The following PRDM5 variants were observed in gnomAD, a reference collection of about 807,000 sequenced individuals.
PRDM5 encodes the protein PR domain zinc finger protein 5.
PRDM5 carries 56 observed loss-of-function variants against 81.2 expected under a neutral mutation model. That is an observed-to-expected ratio of 0.69 (90% CI 0.56 to 0.86). PRDM5 has a LOEUF of 0.86. Among genes scored for constraint, PRDM5 ranks in the 40% least tolerant of loss-of-function variants. PRDM5 has a pLI of 0.00. For synonymous variants in PRDM5, 267 were observed against 256.4 expected (o/e 1.04, Z -0.39); for missense variants, 697 against 770.1 (o/e 0.91, Z 1.12).
chr4:120,920,878 A>G (rs1724825932), intron 1 of PRDM5, among the ~76,000 whole-genome samples: 1 of 152,234 alleles, frequency 6.6e-6, no homozygotes, highest in Admixed American at 6.5e-5. Flanking sequence ...ATATATGATG[A>G]TTTTGGAAGC....
chr4:120,922,314 G>T (rs3761726), intron 1 of PRDM5, among the ~76,000 whole-genome samples: 37 of 151,986 alleles, frequency 2.4e-4, no homozygotes, highest in Admixed American at 2.4e-3. Flanking sequence ...ACGTGGCGCT[G>T]CCTGCTCGGG....
At chr4:120,889,942 C>T (rs548398265) in intron 2 of PRDM5, among the ~76,000 whole-genome samples, 40 of 152,226 alleles carry the variant, frequency 2.6e-4, no homozygotes, top group African/African-American at 9.4e-4. Context: ...ATCTAGTCTA[C>T]CATTGATGGG....
intron 1 of PRDM5, among the ~76,000 whole-genome samples, chr4:120,910,269 C>T (rs1187163878): frequency 1.3e-5 from 2 of 152,150 alleles, no homozygotes; most frequent in South Asian, 4.1e-4. Context: ...ATTTTCATGG[C>T]TGCAAGATTA....
rs555172385 is a variant in PRDM5, at chr4:120,808,957, C to T, written c.945+2413G>A. On this transcript the variant is annotated intron_variant, in intron 8 of 15. Transcript: ENST00000264808. ...CCCGCCTGGCCCTCTCCCTCCACAC[C>T]TCCTGGCAAGCTGAGGGAGCCGGCT... Among the ~76,000 whole-genome samples the T allele has an allele frequency of 3.2e-4, 48 of 152,354 alleles. No individual in the cohort carries two copies. The East Asian group carries it at 8.5e-3, about 27-fold the overall frequency.
chr4:120,845,036 T>A (rs2149401190), intron 3 of PRDM5, among the ~76,000 whole-genome samples: 1 of 152,312 alleles, frequency 6.6e-6, no homozygotes, highest in South Asian at 2.1e-4. Context: ...TTCTATTCAA[T>A]TCTGTGAAGG....
chr4:120,809,616 T>C lies in PRDM5; in HGVS notation c.945+1754A>G, dbSNP rs1023393352. 6.6e-5 allele frequency among the ~76,000 whole-genome samples: 10 copies of C among 152,326 alleles called. No homozygotes were observed. In the East Asian group the frequency reaches 1.7e-3, roughly 26 times the overall value. On this transcript the variant is annotated intron_variant, in intron 8 of 15. Transcript: ENST00000264808. Reference sequence around the variant, plus strand: ...AGAATCATAATATACCTTATCATTATAGGAGATAATAAATAGTAATTTAAG... The same window carrying C: ...AGAATCATAATATACCTTATCATTACAGGAGATAATAAATAGTAATTTAAG...
Position 120,781,187 on chromosome 4 carries a change from T to C in PRDM5, c.1399A>G (p.Asn467Asp), listed in dbSNP as rs1748984056. The change falls in exon 12 of 16, where the codon AAT becomes GAT. Residue 467 changes from asparagine to aspartate, a missense_variant. Asn to Asp is a conservative substitution (Grantham distance 23, BLOSUM62 1). Coordinates refer to ENST00000264808, the MANE Select transcript of PRDM5 (RefSeq NM_018699.4). ...RHKKYRCELC[N>D]KAFVTPSVLR... The stretch of plus-strand genomic sequence containing the variant: ...ACTGAAGGTGTAACAAAGGCCTTAT[T>C]ACATAGCTCACACCTATACTTCTTG... The C allele has an allele frequency of 6.2e-7, 1 of 1,613,544 alleles. No individual in the cohort carries two copies. The highest frequency in any genetic ancestry group is 1.1e-5 in the South Asian group (1 of 91,078).
chr4:120,858,052 TAC>T (rs1387026957), intron 2 of PRDM5, among the ~76,000 whole-genome samples: 1 of 152,140 alleles, frequency 6.6e-6, no homozygotes, highest in Non-Finnish European at 1.5e-5. Flanking sequence ...TGGCAGCAAA[TAC>T]AGTCAGTTCC....
Position 120,827,682 on chromosome 4 carries a change from G to A in PRDM5, c.301-6337C>T, listed in dbSNP as rs559598090. Among the ~76,000 whole-genome samples the A allele has an allele frequency of 4.6e-5, 7 of 152,098 alleles. No individual in the cohort carries two copies. The South Asian group carries it at 1.2e-3, about 27-fold the overall frequency. On this transcript the variant is annotated intron_variant, in intron 3 of 15. Coordinates refer to ENST00000264808, the MANE Select transcript of PRDM5 (RefSeq NM_018699.4). ...ATTCCCAAGGTATCTCAGCACACTG[G>A]GTGGGAAGTTCCATCACAGAAAATC...
intron 1 of PRDM5, among the ~76,000 whole-genome samples, chr4:120,909,561 T>C (rs1419033212): frequency 6.6e-6 from 1 of 152,114 alleles, no homozygotes; most frequent in East Asian, 1.9e-4. Flanking sequence ...AAGTACACAC[T>C]TTCCAAAGTA....
At chr4:120,754,736 A>AT (rs1358998211) in intron 13 of PRDM5, 98 bp from the exon 14 acceptor site, 5 of 839,858 alleles carry the variant, frequency 6.0e-6, no homozygotes, top group Non-Finnish European at 1.0e-5. Context: ...GCCACCGCAT[A>AT]TGCCCTGTGC....
chr4:120,739,398 A>G (rs1741575204), intron 14 of PRDM5, among the ~76,000 whole-genome samples: 1 of 152,202 alleles, frequency 6.6e-6, no homozygotes, highest in African/African-American at 2.4e-5. Context: ...AATGCACATT[A>G]TGTTCTAGAT....
At chr4:120,739,103 A>C (rs1032230950) in intron 14 of PRDM5, among the ~76,000 whole-genome samples, 1 of 152,220 alleles carries the variant, frequency 6.6e-6, no homozygotes, top group African/African-American at 2.4e-5. Flanking sequence ...ATTATGTGGC[A>C]TGCCTATCTG....
chr4:120,908,927 A>G (rs923350869), intron 1 of PRDM5, among the ~76,000 whole-genome samples: 2 of 152,226 alleles, frequency 1.3e-5, no homozygotes, highest in African/African-American at 4.8e-5. Flanking sequence ...AACAGCCCCA[A>G]AGAGGCTTTC....
intron 15 of PRDM5, among the ~76,000 whole-genome samples, chr4:120,699,406 T>G (rs1391366477): frequency 6.6e-6 from 1 of 151,912 alleles, no homozygotes; most frequent in Non-Finnish European, 1.5e-5. Context: ...TTTGTAAGCA[T>G]TACTTTATTT....
intron 2 of PRDM5, among the ~76,000 whole-genome samples, chr4:120,865,717 G>A (rs1761132727): frequency 1.3e-5 from 2 of 152,268 alleles, no homozygotes; most frequent in East Asian, 1.9e-4. Context: ...AACCTGAATG[G>A]TGAATTATAG....
At chr4:120,828,914 A>T (rs2149364500) in intron 3 of PRDM5, among the ~76,000 whole-genome samples, 1 of 152,098 alleles carries the variant, frequency 6.6e-6, no homozygotes, top group East Asian at 1.9e-4. Flanking sequence ...CTCTTATTTT[A>T]TCTGTAAAAT....
intron 10 of PRDM5, among the ~76,000 whole-genome samples, chr4:120,791,459 C>T (rs1008782424): frequency 5.9e-5 from 9 of 152,148 alleles, no homozygotes; most frequent in African/African-American, 1.7e-4. Context: ...AAAGAACTTC[C>T]TCTTACACAA....
chr4:120,855,286 A>G (rs1376103), intron 2 of PRDM5, among the ~76,000 whole-genome samples: 4,036 of 152,264 alleles, frequency 0.027, 177 homozygotes, highest in African/African-American at 0.092. Context: ...ATCACTGGGA[A>G]GCACGAATTT....
Sources: allele counts gnomAD v4.1 joint callset (sites outside exome capture counted in the v4.1 genomes callset), GRCh38; gene constraint gnomAD v4.1.1; transcripts MANE v1.5; gene names NCBI Gene and HGNC (gene_info 2026-07-23, HGNC 2026-07-21).